Variants in NCAPG2 observed in about 807,000 individuals in gnomAD.
The protein encoded by NCAPG2 is non-SMC condensin II complex subunit G2, also known as condensin-2 complex subunit G2.
In NCAPG2, 53 loss-of-function variants were observed where a neutral mutation model predicts 141.1. The observed-to-expected ratio is 0.38, with a 90% CI of 0.30 to 0.47. The LOEUF (loss-of-function observed/expected upper bound fraction) is 0.47. Among genes scored for constraint, NCAPG2 ranks in the 20% least tolerant of loss-of-function variants. The probability of loss-of-function intolerance (pLI) is 0.99; values close to 1 mark genes in which losing one functional copy is unlikely to be tolerated. For synonymous variants in NCAPG2, 499 were observed against 490.7 expected, an observed-to-expected ratio of 1.02 and a Z score of -0.22; for missense variants, 1,087 against 1,389.0, an observed-to-expected ratio of 0.78 and a Z score of 3.46.
intron 17 of NCAPG2, among the ~76,000 whole-genome samples, chr7:158,657,545 C>A (rs151273996): frequency 7.2e-5 from 11 of 152,216 alleles, no homozygotes; most frequent in Non-Finnish European, 1.0e-4. Flanking sequence ...GTCAGCCCCC[C>A]ACCCGGCCAG....
chr7:158,679,174 C>T (rs1159037703), intron 11 of NCAPG2, among the ~76,000 whole-genome samples: 2 of 152,180 alleles, frequency 1.3e-5, no homozygotes, highest in African/African-American at 4.8e-5. Context: ...ATTACTTTAA[C>T]TTTCTGCATG....
intron 25 of NCAPG2, among the ~76,000 whole-genome samples, chr7:158,645,947 T>C (rs887662771): frequency 7.2e-5 from 11 of 152,348 alleles, no homozygotes; most frequent in Non-Finnish European, 1.6e-4. Context: ...AAAGTTTTCA[T>C]TGAATGTATC....
rs1185463250 is a variant in NCAPG2, at chr7:158,655,276, G to A, written c.2506-18C>T. ...GAGCAGAACTGTCCAAAAACAAGAA[G>A]ATAAATCAGTAACAAAAAGAGCACT... On this transcript the variant is annotated intron_variant, in intron 20 of 27. Transcript: ENST00000356309. 3.7e-6 allele frequency: 6 copies of A among 1,613,724 alleles called. No individual in the cohort carries two copies. Among genetic ancestry groups the A allele is most frequent in the Non-Finnish European group, 5.1e-6 (6 of 1,179,828 alleles).
intron 15 of NCAPG2, among the ~76,000 whole-genome samples, chr7:158,662,828 A>T (rs1378048323): frequency 6.6e-6 from 1 of 152,160 alleles, no homozygotes. Flanking sequence ...CAGGTCACAG[A>T]AAGGACACAG....
chr7:158,664,393 C>G, intron 14 of NCAPG2, 97 bp from the exon 15 acceptor site: 1 of 1,502,260 alleles, frequency 6.7e-7, no homozygotes, highest in Admixed American at 1.8e-5. Flanking sequence ...GTCAAAAGTA[C>G]TATTTTAAGG....
intron 25 of NCAPG2, among the ~76,000 whole-genome samples, chr7:158,645,971 C>T (rs542999725): frequency 6.6e-6 from 1 of 152,284 alleles, no homozygotes; most frequent in South Asian, 2.1e-4. Context: ...TATTAAAATT[C>T]GACAGGTACC....
At chr7:158,662,692 A>G (rs999671615) in intron 15 of NCAPG2, among the ~76,000 whole-genome samples, 2 of 152,190 alleles carry the variant, frequency 1.3e-5, no homozygotes, top group African/African-American at 4.8e-5. Context: ...CTTTCACTGT[A>G]TCTTCTGTTT....
At chr7:158,674,721 G>C (rs780318976) in intron 12 of NCAPG2, among the ~76,000 whole-genome samples, 14 of 152,256 alleles carry the variant, frequency 9.2e-5, no homozygotes, top group Non-Finnish European at 1.9e-4. Flanking sequence ...TTTTGCACCT[G>C]AGAGAAGAGG....
intron 16 of NCAPG2, 29 bp downstream of exon 16, chr7:158,662,165 C>A (rs757302880): frequency 6.4e-7 from 1 of 1,558,402 alleles, no homozygotes; most frequent in South Asian, 1.3e-5. Flanking sequence ...CTTAATATAC[C>A]TTGCTTACAA....
chr7:158,655,103 C>A lies in NCAPG2; in HGVS notation c.2646+15G>T. 1.9e-6 allele frequency: 3 copies of A among 1,592,448 alleles called. No individual in the cohort carries two copies. The highest frequency in any genetic ancestry group is 2.6e-6 in the Non-Finnish European group (3 of 1,173,818). On this transcript the variant is annotated intron_variant, in intron 21 of 27. Coordinates refer to ENST00000356309, the MANE Select transcript of NCAPG2 (RefSeq NM_017760.7). ...TTGGTAAAGAGAAAGTTTTCTGTGT[C>A]TTAAGACTTCTAACCTGGATAATTT...
At chr7:158,639,835 T>C in intron 27 of NCAPG2, 2 of 976,576 alleles carry the variant, frequency 2.0e-6, no homozygotes, top group Non-Finnish European at 2.4e-6. Context: ...ATTTCAAACC[T>C]AATGCAAACA....
intron 4 of NCAPG2, among the ~76,000 whole-genome samples, chr7:158,692,269 T>C (rs909946146): frequency 6.6e-6 from 1 of 152,150 alleles, no homozygotes; most frequent in Non-Finnish European, 1.5e-5. Flanking sequence ...TTCATGTCAC[T>C]GCACTTCAGC....
chr7:158,671,450 T>C, intron 13 of NCAPG2, 64 bp downstream of exon 13: 1 of 1,582,326 alleles, frequency 6.3e-7, no homozygotes, highest in Non-Finnish European at 8.7e-7. Context: ...AACTACTTTC[T>C]TTCTGTTTGA....
intron 2 of NCAPG2, among the ~76,000 whole-genome samples, chr7:158,697,135 C>T (rs1835496064): frequency 6.6e-6 from 1 of 152,142 alleles, no homozygotes; most frequent in East Asian, 1.9e-4. Flanking sequence ...TTCCTGAAGG[C>T]AATGTTATCA....
intron 1 of NCAPG2, among the ~76,000 whole-genome samples, chr7:158,702,700 A>T (rs1344541931): frequency 6.6e-6 from 1 of 152,212 alleles, no homozygotes; most frequent in Non-Finnish European, 1.5e-5. Context: ...CACCATTATA[A>T]ATAGAGCAAT....
intron 11 of NCAPG2, among the ~76,000 whole-genome samples, chr7:158,678,767 T>C (rs1834259974): frequency 6.6e-6 from 1 of 151,734 alleles, no homozygotes; most frequent in Admixed American, 6.6e-5. Flanking sequence ...TAAATATACA[T>C]AATGTACACA....
At chr7:158,669,872 C>T (rs1191933482) in intron 13 of NCAPG2, among the ~76,000 whole-genome samples, 1 of 150,750 alleles carries the variant, frequency 6.6e-6, no homozygotes, top group East Asian at 2.0e-4. Context: ...CACTTCTGAG[C>T]TTAAGTGATC....
intron 12 of NCAPG2, among the ~76,000 whole-genome samples, chr7:158,672,313 TATATATATATA>T (rs1833768992): frequency 2.3e-5 from 1 of 43,258 alleles, no homozygotes; most frequent in South Asian, 8.0e-4. Flanking sequence ...TATATATATA[TATATATATATA>T]TATATTTTTT....
At chr7:158,648,577 G>T (rs78431000) in intron 24 of NCAPG2, among the ~76,000 whole-genome samples, 21,087 of 54,594 alleles carry the variant, frequency 0.39, 4,824 homozygotes, top group Non-Finnish European at 0.47. Flanking sequence ...CCAAATGGAC[G>T]ACAACCACGC....
Sources: allele counts gnomAD v4.1 joint callset (sites outside exome capture counted in the v4.1 genomes callset), GRCh38; gene constraint gnomAD v4.1.1; transcripts MANE v1.5; gene names NCBI Gene and HGNC (gene_info 2026-07-23, HGNC 2026-07-21).